The following SLC28A1 variants were observed in gnomAD, a reference collection of about 807,000 sequenced individuals.
The protein encoded by SLC28A1 is solute carrier family 28 member 1.
SLC28A1 carries 64 observed loss-of-function variants against 74.8 expected under a neutral mutation model. The observed-to-expected ratio is 0.86, with a 90% confidence interval of 0.70 to 1.05. SLC28A1 has a LOEUF of 1.05. Among genes scored for constraint, SLC28A1 ranks in the 50% least tolerant of loss-of-function variants. The pLI, the probability that SLC28A1 is intolerant of heterozygous loss-of-function variation, is 0.00. For missense variants in SLC28A1, 828 were observed against 822.8 expected, an observed-to-expected ratio of 1.01 and a Z score of -0.08; for synonymous variants, 359 against 335.0, an observed-to-expected ratio of 1.07 and a Z score of -0.78.
rs1421007148 is a variant in SLC28A1 at position 84,886,700 on chromosome 15, C to T, written c.-104C>T. Reference sequence around the variant, plus strand: ...TTTCTGCTGAAGTGACAAGGCAAGCCAGAGCCAAAGCAGGTTGGACCCAGC... The same window carrying T: ...TTTCTGCTGAAGTGACAAGGCAAGCTAGAGCCAAAGCAGGTTGGACCCAGC... On this transcript the variant is annotated 5_prime_UTR_variant, in exon 2 of 19. Transcript: ENST00000394573. The T allele has an allele frequency of 2.0e-6, 2 of 985,538 alleles. No homozygotes were observed. Among genetic ancestry groups the T allele is most frequent in the African/African-American group, 1.7e-5 (1 of 57,374 alleles). 61.0% of individuals were successfully genotyped at this position (985,538 alleles called of 1,614,324 possible).
chr15:84,940,471 A>G (rs1972525095), intron 15 of SLC28A1: 1 of 152,426 alleles, frequency 6.6e-6, no homozygotes, highest in South Asian at 2.1e-4. Context: ...GGTTAAATAC[A>G]TTATATACAA....
intron 16 of SLC28A1, 112 bp from the exon 17 acceptor site, chr15:84,944,454 G>A (rs1440672490): frequency 1.2e-5 from 9 of 755,954 alleles, no homozygotes; most frequent in Non-Finnish European, 1.9e-5. Flanking sequence ...TGTCCCTCTG[G>A]CCATCTATTA....
chr15:84,894,606 A>C (rs1403865626), intron 5 of SLC28A1, among the ~76,000 whole-genome samples: 1 of 152,202 alleles, frequency 6.6e-6, no homozygotes, highest in East Asian at 1.9e-4. Flanking sequence ...GGGGCCTAGC[A>C]TGGCGCTGGA....
the SLC28A1 span, among the ~76,000 whole-genome samples, chr15:84,961,848 C>T: frequency 6.6e-6 from 1 of 152,180 alleles, no homozygotes; most frequent in African/African-American, 2.4e-5. Flanking sequence ...GCACCTACGA[C>T]AGAGATACTG....
Position 84,895,754 on chromosome 15 carries a change from T to TA in SLC28A1, c.461+631_461+632insA, listed in dbSNP as rs1555443623. On this transcript the variant is annotated intron_variant, in intron 6 of 18. Coordinates refer to ENST00000394573, the MANE Select transcript of SLC28A1 (RefSeq NM_004213.5). ...GGTTCACACAAAAAAGAAAATTCGC[T>TA]GGGGGAAAAAAACAGTTTCTATGGC... 4 of 1,217,360 alleles carry TA rather than the reference T, an allele frequency of 3.3e-6. No homozygotes were observed. The African/African-American group carries it at 4.6e-5, about 14-fold the overall frequency. The allele number at this position is 1,217,360 out of a possible 1,614,324, so 75.4% of individuals were successfully genotyped here.
the SLC28A1 span, among the ~76,000 whole-genome samples, chr15:84,963,447 G>T: frequency 6.6e-6 from 1 of 152,184 alleles, no homozygotes; most frequent in East Asian, 1.9e-4. Context: ...GGGTGGGGAA[G>T]CAGGAGTCCA....
chr15:84,955,110 T>C, the SLC28A1 span, among the ~76,000 whole-genome samples: 1 of 152,282 alleles, frequency 6.6e-6, no homozygotes, highest in East Asian at 1.9e-4. Flanking sequence ...CTGTCCCAGC[T>C]GAGCCCAGCC....
intron 6 of SLC28A1, among the ~76,000 whole-genome samples, chr15:84,900,709 T>C (rs1260930669): frequency 1.3e-5 from 2 of 152,000 alleles, no homozygotes; most frequent in East Asian, 3.9e-4. Context: ...GAGGCTAAGG[T>C]AGGAGGATCA....
intron 15 of SLC28A1, among the ~76,000 whole-genome samples, chr15:84,939,171 T>G (rs1175821290): frequency 6.6e-6 from 1 of 152,160 alleles, no homozygotes; most frequent in Non-Finnish European, 1.5e-5. Context: ...AATTTAAAAA[T>G]TAGCCAGGTG....
intron 9 of SLC28A1, among the ~76,000 whole-genome samples, chr15:84,911,638 G>T (rs1366857056): frequency 6.6e-6 from 1 of 152,064 alleles, no homozygotes; most frequent in Non-Finnish European, 1.5e-5. Flanking sequence ...GAAGTGGTTC[G>T]ATCGCTTGAG....
chr15:84,947,786 C>G (rs75169265), downstream of SLC28A1, among the ~76,000 whole-genome samples: 3,048 of 152,196 alleles, frequency 0.02, 112 homozygotes, highest in African/African-American at 0.07. Flanking sequence ...CAAAGACCCC[C>G]CCTCCTAATA....
At chr15:84,890,633 ATGGTTGT>A in intron 5 of SLC28A1, 99 bp downstream of exon 5, 1 of 990,120 alleles carries the variant, frequency 1.0e-6, no homozygotes, top group Non-Finnish European at 1.5e-6. Context: ...CATTCAACAA[ATGGTTGT>A]TGAGCACCAA....
intron 6 of SLC28A1, among the ~76,000 whole-genome samples, chr15:84,903,607 C>G (rs1040306319): frequency 6.6e-6 from 1 of 152,156 alleles, no homozygotes; most frequent in Non-Finnish European, 1.5e-5. Context: ...TCCTTGGTCT[C>G]AGGTGCTCAG....
At chr15:84,887,323 G>A (rs987693109) in intron 2 of SLC28A1, 1 of 983,814 alleles carries the variant, frequency 1.0e-6, no homozygotes, top group Admixed American at 6.1e-5. Context: ...TCCCTATGAA[G>A]TGGGCAGAAT....
intron 9 of SLC28A1, among the ~76,000 whole-genome samples, chr15:84,912,806 GCACACACACACACACACA>G (rs199525878): frequency 2.7e-5 from 3 of 112,202 alleles, no homozygotes; most frequent in African/African-American, 1.0e-4. Context: ...TTGCGCGCGC[GCACACACACACACACACA>G]CACACACACA....
At chr15:84,970,395 A>G in the SLC28A1 span, among the ~76,000 whole-genome samples, 2 of 152,224 alleles carry the variant, frequency 1.3e-5, no homozygotes, top group Admixed American at 6.5e-5. Context: ...GAGTGACCAC[A>G]GTTGGTTGAA....
intron 6 of SLC28A1, 64 bp downstream of exon 6, chr15:84,895,187 A>C (rs1965848251): frequency 6.3e-7 from 1 of 1,599,058 alleles, no homozygotes; most frequent in African/African-American, 1.3e-5. Context: ...GGTTGGCTCC[A>C]GGGTTATGGC....
the SLC28A1 span, among the ~76,000 whole-genome samples, chr15:84,956,442 CCTTT>C: frequency 1.4e-3 from 178 of 124,648 alleles, no homozygotes; most frequent in Admixed American, 1.9e-3. Context: ...TTCCTTCCTT[CCTTT>C]CTTTCTTTCT....
At chr15:84,914,809 C>A (rs528574049) in intron 9 of SLC28A1, among the ~76,000 whole-genome samples, 63 of 152,234 alleles carry the variant, frequency 4.1e-4, no homozygotes, top group African/African-American at 1.5e-3. Flanking sequence ...GCCACAGGGA[C>A]CTTATTTAAT....
Sources: allele counts gnomAD v4.1 joint callset (sites outside exome capture counted in the v4.1 genomes callset), GRCh38; gene constraint gnomAD v4.1.1; transcripts MANE v1.5; gene names NCBI Gene and HGNC (gene_info 2026-07-23, HGNC 2026-07-21).